The following NXPH1 variants were observed in gnomAD, a reference collection of about 807,000 sequenced individuals.
The protein encoded by NXPH1 is neurexophilin 1, also known as neurexophilin-1.
A neutral mutation model predicts 23.7 loss-of-function variants in NXPH1; 5 were observed. That is an observed-to-expected ratio of 0.21 (90% CI 0.11 to 0.44). The LOEUF is 0.44. NXPH1 is among the 20% of genes least tolerant of loss of function. The pLI is 0.99. For missense variants in NXPH1, 324 were observed against 321.6 expected, an observed-to-expected ratio of 1.01 and a Z score of -0.06; for synonymous variants, 144 against 122.2, an observed-to-expected ratio of 1.18 and a Z score of -1.18.
chr7:8,464,712 T>C (rs938225909), intron 2 of NXPH1, among the ~76,000 whole-genome samples: 2 of 152,160 alleles, frequency 1.3e-5, no homozygotes, highest in African/African-American at 4.8e-5. Context: ...CTACAGAGTT[T>C]AGTGGAGTGA....
intron 2 of NXPH1, among the ~76,000 whole-genome samples, chr7:8,710,566 A>G (rs546428268): frequency 1.3e-5 from 2 of 151,996 alleles, no homozygotes; most frequent in African/African-American, 4.8e-5. Context: ...TTGAAGGCCA[A>G]AATCAACTGC....
At chr7:8,511,734 G>A (rs1817615706) in intron 2 of NXPH1, among the ~76,000 whole-genome samples, 1 of 152,110 alleles carries the variant, frequency 6.6e-6, no homozygotes, top group Non-Finnish European at 1.5e-5. Context: ...AATTATTTCT[G>A]TTCTGATGCT....
At chr7:8,710,852 C>CA (rs1165949247) in intron 2 of NXPH1, among the ~76,000 whole-genome samples, 1 of 121,628 alleles carries the variant, frequency 8.2e-6, no homozygotes, top group Non-Finnish European at 1.6e-5. Flanking sequence ...TTAGTAGAGA[C>CA]GGGGTTTCAC....
intron 2 of NXPH1, among the ~76,000 whole-genome samples, chr7:8,583,069 T>A (rs1584248865): frequency 6.6e-6 from 1 of 151,908 alleles, no homozygotes; most frequent in East Asian, 1.9e-4. Flanking sequence ...CTTGGCCGGG[T>A]TGTGACAGTG....
intron 2 of NXPH1, among the ~76,000 whole-genome samples, chr7:8,542,411 A>G (rs1192060464): frequency 6.6e-6 from 1 of 151,552 alleles, no homozygotes; most frequent in African/African-American, 2.4e-5. Flanking sequence ...AATTGATAGA[A>G]CAAGTAAGCA....
At chr7:8,620,597 T>C (rs1297736126) in intron 2 of NXPH1, among the ~76,000 whole-genome samples, 3 of 152,170 alleles carry the variant, frequency 2.0e-5, no homozygotes, top group African/African-American at 7.2e-5. Flanking sequence ...TAGCTTAAGA[T>C]TGAAGCCAAT....
Position 8,678,561 on chromosome 7 carries a change from A to C in NXPH1, c.55-72447A>C, listed in dbSNP as rs147192015. Among the ~76,000 whole-genome samples, 1,136 of 152,156 alleles carry C rather than the reference A, an allele frequency of 7.5e-3. 13 individuals are homozygous for C. The highest frequency in any genetic ancestry group is 0.039 in the South Asian group (187 of 4,822). ...TGCTGGCTGTAGTGGATGGGCAGCT[A>C]TGCCAGTGTTCAGGGGCACCCATCC... On this transcript the variant is annotated intron_variant, in intron 2 of 2. Transcript: ENST00000405863.
At chr7:8,467,237 C>T (rs191760389) in intron 2 of NXPH1, among the ~76,000 whole-genome samples, 2 of 152,176 alleles carry the variant, frequency 1.3e-5, no homozygotes, top group Admixed American at 1.3e-4. Context: ...TAACTAAAAT[C>T]TGGTTTAAAA....
chr7:8,602,489 C>T (rs1461734238), intron 2 of NXPH1, among the ~76,000 whole-genome samples: 2 of 152,150 alleles, frequency 1.3e-5, no homozygotes, highest in African/African-American at 4.8e-5. Context: ...CTCAAATGCC[C>T]TTTCCCCTTC....
At chr7:8,608,416 C>T (rs1819547614) in intron 2 of NXPH1, among the ~76,000 whole-genome samples, 1 of 151,716 alleles carries the variant, frequency 6.6e-6, no homozygotes, top group Non-Finnish European at 1.5e-5. Flanking sequence ...CAACTTCAGC[C>T]TCCTGGGCTC....
intron 2 of NXPH1, among the ~76,000 whole-genome samples, chr7:8,439,698 C>T (rs529471582): frequency 3.3e-5 from 5 of 152,324 alleles, no homozygotes; most frequent in East Asian, 1.9e-4. Flanking sequence ...GTGAATTCTA[C>T]ACCAATTGTT....
intron 2 of NXPH1, among the ~76,000 whole-genome samples, chr7:8,544,325 C>T (rs2128618828): frequency 6.6e-6 from 1 of 151,718 alleles, no homozygotes; most frequent in East Asian, 2.0e-4. Context: ...TAATCCCTCA[C>T]TCATTGCCAG....
intron 2 of NXPH1, among the ~76,000 whole-genome samples, chr7:8,686,617 T>A (rs1012229189): frequency 5.3e-5 from 8 of 152,136 alleles, no homozygotes; most frequent in African/African-American, 9.7e-5. Flanking sequence ...TGATATGTAA[T>A]GAGAAAAAGG....
intron 2 of NXPH1, among the ~76,000 whole-genome samples, chr7:8,574,707 A>C (rs1584242715): frequency 6.6e-6 from 1 of 152,138 alleles, no homozygotes; most frequent in African/African-American, 2.4e-5. Flanking sequence ...TTCAAATTCA[A>C]CTTGATCTTG....
intron 2 of NXPH1, among the ~76,000 whole-genome samples, chr7:8,675,600 C>T (rs17334359): frequency 0.013 from 1,931 of 152,220 alleles, 25 homozygotes; most frequent in South Asian, 0.039. Flanking sequence ...TTAATCATTG[C>T]AGCATTCATA....
intron 2 of NXPH1, among the ~76,000 whole-genome samples, chr7:8,547,737 A>G (rs748505916): frequency 6.7e-4 from 101 of 151,500 alleles, no homozygotes; most frequent in Non-Finnish European, 1.2e-3. Flanking sequence ...CACTTCTAAG[A>G]GGGAATATGT....
At chr7:8,701,606 A>C (rs1421583068) in intron 2 of NXPH1, among the ~76,000 whole-genome samples, 1 of 152,118 alleles carries the variant, frequency 6.6e-6, no homozygotes, top group African/African-American at 2.4e-5. Flanking sequence ...CACATTTAAG[A>C]ATCCTTTTCA....
chr7:8,598,575 A>C (rs979336357), intron 2 of NXPH1, among the ~76,000 whole-genome samples: 3 of 152,098 alleles, frequency 2.0e-5, no homozygotes, highest in Non-Finnish European at 4.4e-5. Context: ...TTCTTTTTCC[A>C]TTTTAATGTT....
intron 2 of NXPH1, among the ~76,000 whole-genome samples, chr7:8,535,680 A>G (rs1296028491): frequency 6.6e-6 from 1 of 151,996 alleles, no homozygotes; most frequent in Admixed American, 6.6e-5. Context: ...AAAATAAAGC[A>G]AGGTAAGAAG....
Sources: allele counts gnomAD v4.1 joint callset (sites outside exome capture counted in the v4.1 genomes callset), GRCh38; gene constraint gnomAD v4.1.1; transcripts MANE v1.5; gene names NCBI Gene and HGNC (gene_info 2026-07-23, HGNC 2026-07-21).